CENPI: variants seen among roughly 807,000 people sequenced by gnomAD.
CENPI encodes FSH primary response 1.
In CENPI, 4 loss-of-function variants were observed where a neutral mutation model predicts 60.4. That is an observed-to-expected ratio of 0.07 (90% CI 0.03 to 0.15). The LOEUF is 0.15. CENPI is among the 10% of genes least tolerant of loss of function. The pLI, the probability that CENPI is intolerant of heterozygous loss-of-function variation, is 1.00. For synonymous variants in CENPI, 157 were observed against 189.4 expected (o/e 0.83, Z 1.40); for missense variants, 444 against 534.5 (o/e 0.83, Z 1.67).
chrX:101,177,681 G>A, the CENPI span, among the ~76,000 whole-genome samples: 2 of 112,075 alleles, frequency 1.8e-5, no homozygotes, highest in Non-Finnish European at 3.8e-5. Context: ...CTTTGGGCCT[G>A]GTGGAGGCAG....
At chrX:101,111,799 C>T (rs112270571) in intron 6 of CENPI, among the ~76,000 whole-genome samples, 30,896 of 110,232 alleles carry the variant, frequency 0.28, 3,356 homozygotes, top group African/African-American at 0.36. Flanking sequence ...TTTGGGAGGC[C>T]GAGGCAGGTG....
At chrX:101,101,659 A>AT (rs1020345754) in intron 3 of CENPI, among the ~76,000 whole-genome samples, 15 of 109,948 alleles carry the variant, frequency 1.4e-4, no homozygotes, top group South Asian at 3.8e-4. Context: ...TGGCATAGGG[A>AT]TTTTTTTTAA....
chrX:101,170,917 C>T (rs1171341215), downstream of CENPI, among the ~76,000 whole-genome samples: 4 of 111,832 alleles, frequency 3.6e-5, no homozygotes, highest in African/African-American at 1.3e-4. Flanking sequence ...CAGAGTGAGC[C>T]ACTGCACCTG....
chrX:101,180,110 T>A, the CENPI span, among the ~76,000 whole-genome samples: 1 of 111,689 alleles, frequency 9.0e-6, no homozygotes, highest in Admixed American at 9.5e-5. Context: ...CCATTGTGTA[T>A]CTTTTCTGGA....
At chrX:101,120,133 G>A (rs895776896) in intron 6 of CENPI, among the ~76,000 whole-genome samples, 2 of 112,128 alleles carry the variant, frequency 1.8e-5, no homozygotes, top group African/African-American at 6.5e-5. Context: ...TAGGTAGGAG[G>A]ATGATAGGTA....
intron 12 of CENPI, 150 bp downstream of exon 12, chrX:101,128,986 T>A (rs1355808233): frequency 8.0e-6 from 4 of 499,301 alleles, no homozygotes; most frequent in Non-Finnish European, 1.3e-5. Flanking sequence ...GTTGTAATTT[T>A]AAGGCAGTAA....
At chrX:101,172,392 A>G in the CENPI span, among the ~76,000 whole-genome samples, 1 of 111,854 alleles carries the variant, frequency 8.9e-6, no homozygotes, top group African/African-American at 3.2e-5. Context: ...AAAAGGTGAA[A>G]CAATGCAAAT....
intron 4 of CENPI, among the ~76,000 whole-genome samples, chrX:101,103,979 CT>C (rs1303746931): frequency 1.0e-3 from 107 of 103,295 alleles, no homozygotes; most frequent in Non-Finnish European, 1.0e-3. Context: ...TTCTTTCTTT[CT>C]TTTTTTTTTT....
At chrX:101,116,385 A>G (rs1176948278) in intron 6 of CENPI, among the ~76,000 whole-genome samples, 1 of 110,468 alleles carries the variant, frequency 9.1e-6, no homozygotes, top group Non-Finnish European at 1.9e-5. Flanking sequence ...GGCCCGGATA[A>G]CAAAAGACTG....
chrX:101,120,487 G>A, intron 7 of CENPI, 37 bp downstream of exon 7: 3 of 739,842 alleles, frequency 4.1e-6, no homozygotes, highest in Non-Finnish European at 6.3e-6. Flanking sequence ...ATACTTTGTA[G>A]AATTAGCATT....
At chrX:101,167,380 C>T (rs775851937), downstream of CENPI, among the ~76,000 whole-genome samples, 14 of 111,857 alleles carry the variant, frequency 1.3e-4, no homozygotes, top group East Asian at 2.8e-4. Flanking sequence ...GATTTTTTTG[C>T]GTTGTACGTT....
rs376832100 is a variant in CENPI at position 101,120,467 on chromosome X, C to A, written c.640+17C>A. 71 of 841,534 alleles carry A rather than the reference C, an allele frequency of 8.4e-5. No homozygotes were observed. Among genetic ancestry groups the A allele is most frequent in the Middle Eastern group, 2.8e-4 (1 of 3,609 alleles). 69.4% of individuals were successfully genotyped at this position (841,534 alleles called of 1,213,427 possible). ...AAGAGAATGGTGAGTATTTTCATTACAGTTGTATTATACTTTGTAGAATTA... is the reference window on the plus strand; with the variant it reads ...AAGAGAATGGTGAGTATTTTCATTAAAGTTGTATTATACTTTGTAGAATTA... On this transcript the variant is annotated intron_variant, in intron 7 of 21. Transcript: ENST00000682095.
the CENPI span, among the ~76,000 whole-genome samples, chrX:101,177,767 G>A: frequency 8.9e-6 from 1 of 112,085 alleles, no homozygotes; most frequent in Admixed American, 9.4e-5. Context: ...TTCACTGCTG[G>A]GGGCAGCAGG....
intron 8 of CENPI, 126 bp downstream of exon 8, chrX:101,120,910 C>G: frequency 3.8e-6 from 2 of 523,697 alleles, no homozygotes; most frequent in East Asian, 3.6e-5. Context: ...GGGTCTCACT[C>G]TGTTGCCCAG....
At chrX:101,152,763 CT>C (rs773494469) in intron 20 of CENPI, among the ~76,000 whole-genome samples, 1 of 107,528 alleles carries the variant, frequency 9.3e-6, no homozygotes, top group Admixed American at 1.0e-4. Context: ...TGTATCAGTA[CT>C]TTATTTGTTT....
At chrX:101,161,934 G>C (rs1264851252) in intron 21 of CENPI, among the ~76,000 whole-genome samples, 3 of 109,779 alleles carry the variant, frequency 2.7e-5, no homozygotes, top group Non-Finnish European at 5.7e-5. Context: ...TTGAGGCCTG[G>C]ATTTTATTTT....
intron 13 of CENPI, 132 bp downstream of exon 13, chrX:101,130,205 G>A (rs2089781655): frequency 4.7e-6 from 2 of 424,113 alleles, no homozygotes; most frequent in Non-Finnish European, 4.2e-6. Flanking sequence ...AGGCCAAGGC[G>A]GGTGGATCAC....
intron 6 of CENPI, among the ~76,000 whole-genome samples, chrX:101,116,194 C>T (rs946488142): frequency 8.1e-5 from 9 of 111,460 alleles, no homozygotes; most frequent in South Asian, 7.4e-4. Flanking sequence ...ATAACTAATC[C>T]GGAGACGATT....
At chrX:101,159,193 G>A (rs1450949871) in intron 20 of CENPI, among the ~76,000 whole-genome samples, 2 of 110,376 alleles carry the variant, frequency 1.8e-5, no homozygotes, top group Non-Finnish European at 3.8e-5. Flanking sequence ...ACAGAGTCTC[G>A]CTCTGTCGCC....
Sources: allele counts gnomAD v4.1 joint callset (sites outside exome capture counted in the v4.1 genomes callset), GRCh38; gene constraint gnomAD v4.1.1; transcripts MANE v1.5; gene names NCBI Gene and HGNC (gene_info 2026-07-23, HGNC 2026-07-21).